The following CYFIP1 variants were observed in gnomAD, a reference collection of about 807,000 sequenced individuals.
CYFIP1 encodes the protein cytoplasmic FMR1-interacting protein 1.
CYFIP1 carries 58 observed loss-of-function variants against 163.5 expected under a neutral mutation model. The ratio of observed to expected loss-of-function variants is 0.35; its 90% CI spans 0.29 to 0.44. CYFIP1 has a LOEUF of 0.44. Ranked by LOEUF, CYFIP1 falls within the 20% of genes least tolerant of loss-of-function variation. CYFIP1 has a pLI of 1.00. For missense variants in CYFIP1, 1,338 were observed against 1,653.8 expected, an observed-to-expected ratio of 0.81 and a Z score of 3.31; for synonymous variants, 663 against 660.7, an observed-to-expected ratio of 1.00 and a Z score of -0.05.
rs559095238 is a variant in CYFIP1 at position 22,967,475 on chromosome 15, G to A, written c.-7+12812C>T. Among the ~76,000 whole-genome samples, 93 of 152,268 alleles carry A rather than the reference G, an allele frequency of 6.1e-4. 2 individuals are homozygous for A. In the South Asian group the frequency reaches 0.018, roughly 29 times the overall value. Reference sequence around the variant, plus strand: ...CGACATATGTGAAGAGGAAGAACTCGGGGCACCTGAACCTTTCCTGCTCAC... The same window carrying A: ...CGACATATGTGAAGAGGAAGAACTCAGGGCACCTGAACCTTTCCTGCTCAC... On this transcript the variant is annotated intron_variant, in intron 1 of 30. Coordinates refer to ENST00000617928, the MANE Select transcript of CYFIP1 (RefSeq NM_014608.6).
At position 22,868,339 on chromosome 15, in the gene CYFIP1, C is replaced by T. The variant is rs140979118; in HGVS notation, c.*1689G>A. 2.1e-4 allele frequency: 32 copies of T among 152,046 alleles called. No individual in the cohort carries two copies. The highest frequency in any genetic ancestry group is 7.7e-4 in the African/African-American group (32 of 41,488). 9.4% of individuals were successfully genotyped at this position (152,046 alleles called of 1,614,324 possible). A position where few individuals can be genotyped will look rare whatever the true frequency, so the allele number is the denominator to read the frequency against. Reference sequence around the variant, plus strand: ...TTTCTCCCCCTTGAGGACAGAGACTCATTTGAACATGCATAGGTTAATAAA... The same window carrying T: ...TTTCTCCCCCTTGAGGACAGAGACTTATTTGAACATGCATAGGTTAATAAA... On this transcript the variant is annotated 3_prime_UTR_variant, in exon 31 of 31. Transcript: ENST00000617928.
intron 22 of CYFIP1, among the ~76,000 whole-genome samples, chr15:22,895,083 T>C (rs978781254): frequency 4.6e-5 from 7 of 151,522 alleles, no homozygotes; most frequent in African/African-American, 1.7e-4. Context: ...GGCGTGATCT[T>C]GGCTCACTGT....
At chr15:22,900,722 C>A (rs1241590726) in intron 22 of CYFIP1, among the ~76,000 whole-genome samples, 3 of 151,400 alleles carry the variant, frequency 2.0e-5, no homozygotes, top group Non-Finnish European at 4.4e-5. Context: ...TCTTGTGGTG[C>A]AGAAAGAATG....
chr15:22,925,862 G>A, intron 13 of CYFIP1, 120 bp downstream of exon 13: 3 of 1,411,608 alleles, frequency 2.1e-6, no homozygotes, highest in Non-Finnish European at 2.9e-6. Context: ...AGATGGAAAG[G>A]GGTGCCCACA....
rs560137629 is a variant in CYFIP1, at chr15:22,976,844, C to T, written c.-7+3443G>A. 3.3e-5 allele frequency among the ~76,000 whole-genome samples: 5 copies of T among 152,292 alleles called. No homozygotes were observed. The East Asian group carries it at 9.6e-4, about 29-fold the overall frequency. On this transcript the variant is annotated intron_variant, in intron 1 of 30. Transcript: ENST00000617928. Reference sequence around the variant, plus strand: ...CTGTTGTAAACAGAAATAAGGTCAGCTTGTATAGTGTTGACTTTGCATGTA... The same window carrying T: ...CTGTTGTAAACAGAAATAAGGTCAGTTTGTATAGTGTTGACTTTGCATGTA...
At chr15:22,876,469 C>T (rs557176879) in intron 26 of CYFIP1, among the ~76,000 whole-genome samples, 1 of 152,108 alleles carries the variant, frequency 6.6e-6, no homozygotes, top group African/African-American at 2.4e-5. Flanking sequence ...GCTTCAAACT[C>T]TTGTGGTTCT....
intron 1 of CYFIP1, among the ~76,000 whole-genome samples, chr15:22,966,370 T>C (rs1595725197): frequency 2.0e-5 from 2 of 99,196 alleles, no homozygotes; most frequent in Non-Finnish European, 2.0e-5. Context: ...CAAAACTCCG[T>C]CTCAAAAAAA....
chr15:22,942,403 T>C (rs1482546543), intron 6 of CYFIP1, among the ~76,000 whole-genome samples: 3 of 151,934 alleles, frequency 2.0e-5, no homozygotes, highest in Admixed American at 6.5e-5. Context: ...TGAGCACAGA[T>C]GAAGCAGAGC....
intron 15 of CYFIP1, chr15:22,916,876 T>C: frequency 1.3e-6 from 2 of 1,551,936 alleles, no homozygotes; most frequent in Non-Finnish European, 1.7e-6. Context: ...ACAAATGATG[T>C]CTTACCACCA....
At chr15:22,979,376 CCTCATTCCGGAG>C (rs2063388572) in intron 1 of CYFIP1, among the ~76,000 whole-genome samples, 1 of 152,166 alleles carries the variant, frequency 6.6e-6, no homozygotes, top group Non-Finnish European at 1.5e-5. Context: ...TCCGACCACG[CCTCATTCCGGAG>C]TCCGACGGAC....
intron 23 of CYFIP1, among the ~76,000 whole-genome samples, chr15:22,886,301 G>A (rs2059925456): frequency 6.6e-6 from 1 of 152,156 alleles, no homozygotes; most frequent in Admixed American, 6.5e-5. Flanking sequence ...TCCTGCAGAA[G>A]GACACCCCTC....
intron 1 of CYFIP1, among the ~76,000 whole-genome samples, chr15:22,964,100 T>G (rs1299756420): frequency 1.3e-5 from 2 of 151,946 alleles, no homozygotes; most frequent in African/African-American, 4.8e-5. Flanking sequence ...TTTACATATA[T>G]GTGTACCTTG....
intron 21 of CYFIP1, among the ~76,000 whole-genome samples, chr15:22,905,760 T>C (rs2142027013): frequency 6.6e-6 from 1 of 151,616 alleles, no homozygotes; most frequent in South Asian, 2.1e-4. Context: ...TTTCTGTTTT[T>C]TTTTTTGTTT....
upstream of CYFIP1, chr15:22,980,431 T>A (rs2063448060): frequency 6.6e-6 from 1 of 151,898 alleles, no homozygotes; most frequent in Admixed American, 6.5e-5. Context: ...CGGCTCGGCC[T>A]CTTCCTCCCG....
intron 21 of CYFIP1, 82 bp from the exon 22 acceptor site, chr15:22,903,987 G>T: frequency 7.6e-7 from 1 of 1,313,492 alleles, no homozygotes; most frequent in East Asian, 2.5e-5. Context: ...TCCCACCCAG[G>T]CCTCACAGTC....
Position 22,917,207 on chromosome 15 carries a change from G to A in CYFIP1, c.1675-577C>T, listed in dbSNP as rs1477158785. On this transcript the variant is annotated intron_variant, in intron 15 of 30. Coordinates refer to ENST00000617928, the MANE Select transcript of CYFIP1 (RefSeq NM_014608.6). This position sits in a 1 kb window ranked among gnomAD's most constrained non-coding sequence, Gnocchi z 4.2. ...GCAGAGCCAGCAGCGTGCATTGCTG[G>A]TGACTTTCCAGAAGAGTGGCAGAAG... is the stretch of plus-strand genomic sequence containing the variant. The A allele has an allele frequency of 7.0e-7, 1 of 1,419,130 alleles. No homozygotes were observed. The highest frequency in any genetic ancestry group is 9.1e-7 in the Non-Finnish European group (1 of 1,093,828). The allele number at this position is 1,419,130 out of a possible 1,614,324, so 87.9% of individuals were successfully genotyped here.
At chr15:22,944,258 A>AC (rs1420179655) in intron 5 of CYFIP1, among the ~76,000 whole-genome samples, 3 of 143,406 alleles carry the variant, frequency 2.1e-5, no homozygotes, top group Non-Finnish European at 4.7e-5. Context: ...AAAAAAAAAA[A>AC]AAAGTACAAA....
At chr15:22,926,298 C>A (rs1370406384) in intron 12 of CYFIP1, among the ~76,000 whole-genome samples, 191 bp from the exon 13 acceptor site, 1 of 152,146 alleles carries the variant, frequency 6.6e-6, no homozygotes, top group Non-Finnish European at 1.5e-5. Flanking sequence ...TGTAACCTCT[C>A]GTTTAAAAAA....
In CYFIP1 at chr15:22,910,251, C is replaced by A. The variant is rs540070396; in HGVS notation, c.2268+269G>T. Among the ~76,000 whole-genome samples the A allele has an allele frequency of 2.4e-4, 36 of 152,250 alleles. No individual in the cohort carries two copies. The South Asian group carries it at 3.3e-3, about 14-fold the overall frequency. On this transcript the variant is annotated intron_variant, in intron 20 of 30. Coordinates refer to ENST00000617928, the MANE Select transcript of CYFIP1 (RefSeq NM_014608.6). The stretch of plus-strand genomic sequence containing the variant: ...TCTCAGCTCACTGCAAGCTCCACTT[C>A]CCAGGTTCAGGCGATTCTCTTGCCT...
Sources: allele counts gnomAD v4.1 joint callset (sites outside exome capture counted in the v4.1 genomes callset), GRCh38; gene constraint gnomAD v4.1.1; non-coding constraint Gnocchi (gnomAD v3.1); transcripts MANE v1.5; gene names NCBI Gene and HGNC (gene_info 2026-07-23, HGNC 2026-07-21).